Variants in KLF13 observed in about 807,000 individuals in gnomAD.
The protein encoded by KLF13 is Krueppel-like factor 13.
Under a neutral mutation model 16.7 loss-of-function variants are expected in KLF13, and 8 were observed. The ratio of observed to expected loss-of-function variants is 0.48; its 90% CI spans 0.28 to 0.87. KLF13 has a LOEUF of 0.87. KLF13 is among the 40% of genes least tolerant of loss of function. The probability of loss-of-function intolerance (pLI) is 0.10; values close to 1 mark genes in which losing one functional copy is unlikely to be tolerated. For synonymous variants in KLF13, 245 were observed against 208.4 expected (o/e 1.18, Z -1.51); for missense variants, 447 against 452.2 (o/e 0.99, Z 0.10).
At chr15:31,427,635 A>G (rs959336535) in intron 1 of KLF13, among the ~76,000 whole-genome samples, 3 of 152,234 alleles carry the variant, frequency 2.0e-5, no homozygotes, top group Non-Finnish European at 4.4e-5. Context: ...GTCATTTCTC[A>G]CACTGTTATA....
chr15:31,405,224 G>GAAT (rs962200997), downstream of KLF13, among the ~76,000 whole-genome samples: 60 of 152,272 alleles, frequency 3.9e-4, no homozygotes, highest in African/African-American at 1.3e-3. Context: ...TGAGGCAGGA[G>GAAT]AATTGCATGA....
At chr15:31,343,017 C>G (rs1043105567) in intron 1 of KLF13, among the ~76,000 whole-genome samples, 1 of 152,232 alleles carries the variant, frequency 6.6e-6, no homozygotes, top group African/African-American at 2.4e-5. Context: ...TGGAGGGGGT[C>G]GGGGCCACTC....
intron 1 of KLF13, among the ~76,000 whole-genome samples, chr15:31,348,746 G>T (rs1209277782): frequency 6.6e-6 from 1 of 152,198 alleles, no homozygotes; most frequent in Non-Finnish European, 1.5e-5. Context: ...TCAGTGTGCT[G>T]CTGTAACAGA....
intron 1 of KLF13, chr15:31,393,436 C>T (rs1442442619): frequency 6.6e-6 from 1 of 151,942 alleles, no homozygotes; most frequent in Non-Finnish European, 1.5e-5. Context: ...CCCCCCCGTC[C>T]CCCTCAGACC....
chr15:31,339,942 C>T (rs1177925672), intron 1 of KLF13: 2 of 702,246 alleles, frequency 2.8e-6, no homozygotes, highest in Non-Finnish European at 5.2e-6. Context: ...CTCTGCCCAC[C>T]CATGGATTAT....
At chr15:31,420,167 G>A (rs1008995720) in intron 1 of KLF13, 15 of 517,396 alleles carry the variant, frequency 2.9e-5, no homozygotes, top group South Asian at 1.6e-4. Context: ...CACTAGTGTC[G>A]TCGCCACCCA....
intron 1 of KLF13, among the ~76,000 whole-genome samples, chr15:31,432,606 A>T (rs1344125526): frequency 6.6e-6 from 1 of 151,714 alleles, no homozygotes; most frequent in Non-Finnish European, 1.5e-5. Flanking sequence ...GCACCACCAC[A>T]CCCAGCTAAC....
chr15:31,338,074 T>C (rs1217633652), intron 1 of KLF13, among the ~76,000 whole-genome samples: 2 of 152,214 alleles, frequency 1.3e-5, no homozygotes, highest in African/African-American at 2.4e-5. Context: ...TGGCTACTTA[T>C]AGCTTGTGAT....
At chr15:31,384,910 CCCTGCCAAACT>C (rs1469447345) in intron 1 of KLF13, among the ~76,000 whole-genome samples, 1 of 152,160 alleles carries the variant, frequency 6.6e-6, no homozygotes, top group Non-Finnish European at 1.5e-5. Context: ...ATGTTTGTGT[CCCTGCCAAACT>C]CACGTGTTGA....
chr15:31,346,071 C>A (rs145094448), intron 1 of KLF13, among the ~76,000 whole-genome samples: 7 of 152,086 alleles, frequency 4.6e-5, no homozygotes, highest in Admixed American at 4.6e-4. Context: ...GCCTGCCTCA[C>A]GCTGAGATGC....
At chr15:31,431,504 G>C (rs2040471031) in intron 1 of KLF13, among the ~76,000 whole-genome samples, 1 of 151,800 alleles carries the variant, frequency 6.6e-6, no homozygotes, top group Non-Finnish European at 1.5e-5. Flanking sequence ...TCCCTCTGTC[G>C]CCCAGGATGG....
intron 1 of KLF13, among the ~76,000 whole-genome samples, chr15:31,333,547 C>T (rs1462838278): frequency 6.6e-6 from 1 of 152,022 alleles, no homozygotes; most frequent in Non-Finnish European, 1.5e-5. Flanking sequence ...CATTTTTCTC[C>T]TTTCCTCCTT....
intron 1 of KLF13, among the ~76,000 whole-genome samples, chr15:31,345,801 G>A (rs1271985274): frequency 1.3e-5 from 2 of 152,130 alleles, no homozygotes; most frequent in African/African-American, 4.8e-5. Context: ...GTGTAAAGTC[G>A]TCAGATGCTG....
At chr15:31,363,289 T>A (rs886237536) in intron 1 of KLF13, among the ~76,000 whole-genome samples, 8 of 152,252 alleles carry the variant, frequency 5.3e-5, no homozygotes, top group Non-Finnish European at 8.8e-5. Flanking sequence ...GTTCCTTTTT[T>A]ATGAATGGGC....
At chr15:31,327,987 C>A (rs1024374329) in intron 1 of KLF13, among the ~76,000 whole-genome samples, 198 bp downstream of exon 1, 3 of 147,940 alleles carry the variant, frequency 2.0e-5, no homozygotes, top group Admixed American at 2.0e-4. Context: ...GCTCTCGGAG[C>A]CGGCGCCCGC....
intron 1 of KLF13, among the ~76,000 whole-genome samples, chr15:31,421,002 A>G (rs1297509809): frequency 6.6e-6 from 1 of 151,896 alleles, no homozygotes; most frequent in African/African-American, 2.4e-5. Flanking sequence ...TTCCCTGCCT[A>G]TCTTTGTGTT....
intron 1 of KLF13, among the ~76,000 whole-genome samples, chr15:31,338,622 C>A (rs915845391): frequency 6.6e-6 from 1 of 152,090 alleles, no homozygotes; most frequent in East Asian, 1.9e-4. Flanking sequence ...GAGGGTGGGA[C>A]CCTGGAGCCA....
chr15:31,386,070 CAT>C (rs1429123036), intron 1 of KLF13, among the ~76,000 whole-genome samples: 1 of 152,246 alleles, frequency 6.6e-6, no homozygotes. Flanking sequence ...CCAGCCACAA[CAT>C]TCCCTTTAGT....
At chr15:31,347,302 G>A (rs111404661) in intron 1 of KLF13, among the ~76,000 whole-genome samples, 25 of 152,306 alleles carry the variant, frequency 1.6e-4, no homozygotes, top group African/African-American at 5.8e-4. Context: ...GGAAGAGGCC[G>A]TCCTTGGTGC....
Sources: gnomAD v4.1 joint callset for allele counts (sites outside exome capture counted in the v4.1 genomes callset) on GRCh38, gnomAD v4.1.1 for gene constraint, MANE v1.5 for transcripts, NCBI Gene and HGNC (gene_info 2026-07-23, HGNC 2026-07-21) for gene names.